SCN2A: variants seen among roughly 807,000 people sequenced by gnomAD.
The protein encoded by SCN2A is sodium channel protein type 2 subunit alpha.
SCN2A carries 20 observed loss-of-function variants against 188.7 expected under a neutral mutation model. The observed-to-expected ratio is 0.11, with a 90% CI of 0.07 to 0.15. The LOEUF (loss-of-function observed/expected upper bound fraction) is 0.15. Ranked by LOEUF, SCN2A falls within the 10% of genes least tolerant of loss-of-function variation. SCN2A has a pLI of 1.00. For synonymous variants in SCN2A, 804 were observed against 833.1 expected (o/e 0.97, Z 0.60); for missense variants, 1,278 against 2,445.0 (o/e 0.52, Z 10.07).
chr2:165,291,529 C>CT (rs1559340577), intron 1 of SCN2A, among the ~76,000 whole-genome samples: 41 of 20,952 alleles, frequency 2.0e-3, no homozygotes, highest in Admixed American at 4.7e-3. Flanking sequence ...CCTTTCTTTC[C>CT]TTCCTTCCTT....
chr2:165,248,615 C>T (rs927987741), intron 1 of SCN2A, among the ~76,000 whole-genome samples: 1 of 152,064 alleles, frequency 6.6e-6, no homozygotes, highest in Admixed American at 6.6e-5. Context: ...ATTTGCTTTG[C>T]TTTGTTCTTT....
At chr2:165,329,481 T>G (rs1331339043) in intron 13 of SCN2A, among the ~76,000 whole-genome samples, 2 of 151,580 alleles carry the variant, frequency 1.3e-5, no homozygotes, top group Non-Finnish European at 3.0e-5. Context: ...GATTCCCCCC[T>G]TTTTTTTGGA....
intron 23 of SCN2A, 110 bp downstream of exon 23, chr2:165,377,760 A>T (rs2105378732): frequency 1.2e-6 from 1 of 827,712 alleles, no homozygotes; most frequent in South Asian, 1.7e-5. Flanking sequence ...AATTTATAAA[A>T]CCCATCTATA....
At chr2:165,377,528 C>T (rs1574723259) in intron 22 of SCN2A, 69 bp from the exon 23 acceptor site, 1 of 1,311,486 alleles carries the variant, frequency 7.6e-7, no homozygotes, top group East Asian at 2.5e-5. Flanking sequence ...GAATTTTGAT[C>T]AATTATTCAA....
intron 25 of SCN2A, among the ~76,000 whole-genome samples, chr2:165,382,103 T>C (rs1376902216): frequency 2.0e-5 from 3 of 151,908 alleles, no homozygotes; most frequent in Non-Finnish European, 4.4e-5. Context: ...TTTGAATGAA[T>C]AGAGAGAGAA....
rs1697310999 is a variant in SCN2A, at chr2:165,309,371, G to A, written c.625G>A (p.Asp209Asn). The A allele has an allele frequency of 6.2e-7, 1 of 1,613,544 alleles. No homozygotes were observed. Among genetic ancestry groups the A allele is most frequent in the Non-Finnish European group, 8.5e-7 (1 of 1,179,696 alleles). The change falls in exon 6 of 27, where the codon GAC becomes AAC. Residue 209 changes from aspartate (D) to asparagine (N), a missense_variant. Coordinates refer to ENST00000375437, the MANE Select transcript of SCN2A (RefSeq NM_001040142.2). ...ITFAYVTEFV[D>N]LGNVSALRTF... is the part of the protein sequence containing the mutation. ...TTACAGATATGTGACAGAGTTTGTG[G>A]ACCTGGGCAATGTCTCAGCGTTGAG... is the stretch of plus-strand genomic sequence containing the variant.
chr2:165,303,401 G>A (rs931416887), intron 3 of SCN2A, among the ~76,000 whole-genome samples: 2 of 150,844 alleles, frequency 1.3e-5, no homozygotes, highest in Non-Finnish European at 3.0e-5. Flanking sequence ...TCAGCCTCCG[G>A]AGTAGCTGGG....
At chr2:165,311,171 ATTATAT>A (rs60631925) in intron 7 of SCN2A, among the ~76,000 whole-genome samples, 84,196 of 151,146 alleles carry the variant, frequency 0.56, 23,871 homozygotes, top group Middle Eastern at 0.63. Flanking sequence ...GTTTAGTTTG[ATTATAT>A]TTAAGGTATG....
At chr2:165,359,902 T>C (rs921878586) in intron 17 of SCN2A, among the ~76,000 whole-genome samples, 2 of 151,986 alleles carry the variant, frequency 1.3e-5, no homozygotes, top group Non-Finnish European at 2.9e-5. Flanking sequence ...ATCCTATTAT[T>C]TGTGGTTTTA....
intron 13 of SCN2A, among the ~76,000 whole-genome samples, chr2:165,328,958 T>A (rs1008588180): frequency 6.6e-6 from 1 of 150,750 alleles, no homozygotes; most frequent in Non-Finnish European, 1.5e-5. Flanking sequence ...ATCACATACA[T>A]GCATACTCAA....
intron 1 of SCN2A, among the ~76,000 whole-genome samples, chr2:165,247,914 A>G (rs1160034334): frequency 6.6e-6 from 1 of 151,926 alleles, no homozygotes; most frequent in African/African-American, 2.4e-5. Context: ...CGCTTTCCCC[A>G]CCTTACTTTT....
chr2:165,254,826 C>T (rs1694247484), intron 1 of SCN2A, among the ~76,000 whole-genome samples: 1 of 151,620 alleles, frequency 6.6e-6, no homozygotes, highest in South Asian at 2.1e-4. Flanking sequence ...CTACTATTAA[C>T]TTTATGATTT....
chr2:165,367,111 T>G lies in SCN2A; in HGVS notation c.3521-106T>G, dbSNP rs148436389. On this transcript the variant is annotated intron_variant, in intron 18 of 26. Coordinates refer to ENST00000375437, the MANE Select transcript of SCN2A (RefSeq NM_001040142.2). ...GAAGCTATCTTAAAAATTAATGTTA[T>G]TTACAATGTATTATCAGGTAATAAT... The G allele has an allele frequency of 3.1e-3, 3,396 of 1,083,088 alleles. 113 individuals are homozygous for G. In the Admixed American group the frequency reaches 0.062, roughly 20 times the overall value. 67.1% of individuals were successfully genotyped at this position (1,083,088 alleles called of 1,614,324 possible).
chr2:165,268,126 C>T (rs906363611), intron 1 of SCN2A: 11 of 151,798 alleles, frequency 7.2e-5, no homozygotes, highest in African/African-American at 2.4e-4. Flanking sequence ...GAATTGGTAC[C>T]AACCCTACTG....
intron 16 of SCN2A, 141 bp downstream of exon 16, chr2:165,345,052 T>A (rs1243831926): frequency 4.7e-6 from 5 of 1,063,276 alleles, no homozygotes; most frequent in Non-Finnish European, 5.6e-6. Context: ...AAGAGCCATG[T>A]ATAGTTTAGA....
chr2:165,263,886 A>ATTT lies in SCN2A; in HGVS notation c.-52+24256_-52+24258dup, dbSNP rs35091347. On this transcript the variant is annotated intron_variant, in intron 1 of 26. Coordinates refer to ENST00000375437, the MANE Select transcript of SCN2A (RefSeq NM_001040142.2). ...CGTTAAGTATATTCCTAAGTATTCT[A>ATTT]TTTTTTTTTTTTGCAGCTATTGTAA... 3.6e-3 allele frequency among the ~76,000 whole-genome samples: 524 copies of ATTT among 146,190 alleles called. 6 individuals carry two copies. The highest frequency in any genetic ancestry group is 0.012 in the African/African-American group (464 of 40,260).
chr2:165,248,224 C>T (rs553171142), intron 1 of SCN2A, among the ~76,000 whole-genome samples: 2 of 152,258 alleles, frequency 1.3e-5, no homozygotes, highest in South Asian at 2.1e-4. Context: ...CATCCCTGCT[C>T]AAAATTCTGC....
At chr2:165,256,113 C>T (rs1210781273) in intron 1 of SCN2A, among the ~76,000 whole-genome samples, 1 of 146,814 alleles carries the variant, frequency 6.8e-6, no homozygotes, top group Non-Finnish European at 1.5e-5. Flanking sequence ...TCAAACAATT[C>T]TCCTGTTTTA....
chr2:165,367,369 C>G lies in SCN2A; in HGVS notation c.3673C>G (p.Leu1225Val), dbSNP rs1700784695. ...VFMILLSSGA[L>V]AFEDIYIEQR... ...CATGATTCTGCTGAGCAGTGGGGCT[C>G]TGGTAGGTGATGCATGATCCACTCC... Residue 1225 changes from leucine to valine, a missense_variant and splice_region_variant, in exon 19 of 27, where the codon CTG (leucine) becomes GTG (valine). Around this residue, in one of 17 missense-constraint regions of SCN2A, gnomAD observed 228 missense variants for 297.3 expected, o/e 0.77. Transcript: ENST00000375437. 1 of 1,614,008 alleles carries G rather than the reference C, an allele frequency of 6.2e-7. No homozygotes were observed. The highest frequency in any genetic ancestry group is 1.3e-5 in the African/African-American group (1 of 74,928).
Sources: gnomAD v4.1 joint callset for allele counts (sites outside exome capture counted in the v4.1 genomes callset) on GRCh38, gnomAD v4.1.1 for gene constraint, gnomAD v4.1.1 regional missense constraint, MANE v1.5 for transcripts, NCBI Gene and HGNC (gene_info 2026-07-23, HGNC 2026-07-21) for gene names.